ABCF2: variants seen among roughly 807,000 people sequenced by gnomAD.
ABCF2 encodes the protein ATP-binding cassette sub-family F member 2.
A neutral mutation model predicts 76.9 loss-of-function variants in ABCF2; 37 were observed. That is an observed-to-expected ratio of 0.48 (90% confidence interval 0.37 to 0.63). The LOEUF is 0.63. ABCF2 is among the 30% of genes least tolerant of loss of function. The pLI, the probability that ABCF2 is intolerant of heterozygous loss-of-function variation, is 0.00. For synonymous variants in ABCF2, 299 were observed against 283.7 expected, an observed-to-expected ratio of 1.05 and a Z score of -0.54; for missense variants, 524 against 782.1, an observed-to-expected ratio of 0.67 and a Z score of 3.94.
In ABCF2 at chr7:151,214,853, G is replaced by A. The variant is rs769271260; in HGVS notation, c.1734+26C>T. The A allele has an allele frequency of 1.7e-5, 27 of 1,611,778 alleles. No homozygotes were observed. The South Asian group carries it at 2.7e-4, about 16-fold the overall frequency. On this transcript the variant is annotated intron_variant, in intron 14 of 14. Coordinates refer to ENST00000287844, the MANE Select transcript of ABCF2 (RefSeq NM_007189.3). The surrounding 1 kb of genome is among the most constrained non-coding windows in gnomAD (Gnocchi z 4.9). ...CCCAACCCCCTAGAAGCTCTGCTGT[G>A]CCTCACCCCCTGGCCAGGGCCTCAC... is the stretch of plus-strand genomic sequence containing the variant.
rs1272296987 is a variant in ABCF2 at position 151,215,118 on chromosome 7, T to C, written c.1531-36A>G. ...CCGTGACCTACATATAACTTGGCAT[T>C]ATCCCCGCCAAACAGCACAGCTCAT... On this transcript the variant is annotated intron_variant, in intron 13 of 14. Transcript: ENST00000287844. The surrounding 1 kb of genome is among the most constrained non-coding windows in gnomAD (Gnocchi z 4.6). 6 of 1,569,094 alleles carry C rather than the reference T, an allele frequency of 3.8e-6. No individual in the cohort carries two copies. Among genetic ancestry groups the C allele is most frequent in the South Asian group, 1.1e-5 (1 of 87,248 alleles).
In ABCF2 at chr7:151,211,767, A is replaced by T. The variant is rs1802049148; in HGVS notation, c.*2287T>A. ...CCCTGAACCAAGGCTCTGGACTCTC[A>T]GGACAGACTAACCTGGGCCATTTTG... On this transcript the variant is annotated 3_prime_UTR_variant, in exon 15 of 15. Transcript: ENST00000287844. 1 of 985,370 alleles carries T rather than the reference A, an allele frequency of 1.0e-6. No individual in the cohort carries two copies. Among genetic ancestry groups the T allele is most frequent in the Non-Finnish European group, 1.2e-6 (1 of 829,918 alleles). The allele number at this position is 985,370 out of a possible 1,614,324, so 61.0% of individuals were successfully genotyped here.
chr7:151,221,263 GATCTC>G (rs1260677744), intron 7 of ABCF2, among the ~76,000 whole-genome samples: 1 of 150,394 alleles, frequency 6.6e-6, no homozygotes, highest in African/African-American at 2.4e-5. Context: ...GCAGTGGTGT[GATCTC>G]AGCTCACTGC....
At chr7:151,225,057 C>G in intron 2 of ABCF2, 69 bp from the exon 3 acceptor site, 1 of 1,403,422 alleles carries the variant, frequency 7.1e-7, no homozygotes, top group South Asian at 1.2e-5. Context: ...GGTCAACGTC[C>G]TGAAGGACCA....
At chr7:151,221,278 C>T (rs1404373792) in intron 7 of ABCF2, among the ~76,000 whole-genome samples, 3 of 151,578 alleles carry the variant, frequency 2.0e-5, no homozygotes, top group Non-Finnish European at 4.4e-5. Context: ...CAGCTCACTG[C>T]AACCTCCGCC....
At chr7:151,223,196 G>A (rs1183274960) in intron 5 of ABCF2, among the ~76,000 whole-genome samples, 1 of 152,164 alleles carries the variant, frequency 6.6e-6, no homozygotes, top group African/African-American at 2.4e-5. Flanking sequence ...CACAGAGAAT[G>A]ATGGGGCAAG....
At chr7:151,218,502 A>G (rs1802198515) in intron 10 of ABCF2, 59 bp downstream of exon 10, 4 of 1,439,594 alleles carry the variant, frequency 2.8e-6, no homozygotes, top group Non-Finnish European at 3.9e-6. Flanking sequence ...AGCAACTCCC[A>G]TGAGCTGCCA....
At chr7:151,221,093 C>T (rs956587708) in intron 7 of ABCF2, among the ~76,000 whole-genome samples, 10 of 152,212 alleles carry the variant, frequency 6.6e-5, no homozygotes, top group African/African-American at 2.4e-4. Flanking sequence ...CAATCCATGG[C>T]CTATGGCCTG....
chr7:151,226,184 A>G (rs1280403928), intron 2 of ABCF2, 121 bp downstream of exon 2: 1 of 1,185,902 alleles, frequency 8.4e-7, no homozygotes, highest in Non-Finnish European at 1.2e-6. Context: ...TTGATTCATC[A>G]TGAAAAGTTG....
Position 151,215,346 on chromosome 7 carries a change from A to T in ABCF2, c.1530+258T>A, listed in dbSNP as rs1437969978. 1.3e-5 allele frequency among the ~76,000 whole-genome samples: 2 copies of T among 152,198 alleles called. No homozygotes were observed. The highest frequency in any genetic ancestry group is 2.9e-5 in the Non-Finnish European group (2 of 68,040). On this transcript the variant is annotated intron_variant, in intron 13 of 14. Transcript: ENST00000287844. This position sits in a 1 kb window ranked among gnomAD's most constrained non-coding sequence, Gnocchi z 4.6. ...CTGAATCCAGAAATTTGTTTTCTAG[A>T]TTACAAGTTCCTTTGCCCTCAAGCA...
intron 11 of ABCF2, 37 bp from the exon 12 acceptor site, chr7:151,216,066 A>C: frequency 6.4e-7 from 1 of 1,565,546 alleles, no homozygotes; most frequent in Non-Finnish European, 8.7e-7. Flanking sequence ...GCATGAAACA[A>C]AGGAAGCCCA....
At chr7:151,224,205 C>A in intron 3 of ABCF2, 91 bp from the exon 4 acceptor site, 1 of 1,318,550 alleles carries the variant, frequency 7.6e-7, no homozygotes, top group South Asian at 1.4e-5. Flanking sequence ...ACTGGGACCT[C>A]ATCCATTTTT....
intron 7 of ABCF2, among the ~76,000 whole-genome samples, chr7:151,221,159 C>T (rs574615639): frequency 6.6e-6 from 1 of 150,930 alleles, no homozygotes; most frequent in Non-Finnish European, 1.5e-5. Flanking sequence ...TTGTCCATAT[C>T]TTTTTATAGC....
chr7:151,217,997 T>C, intron 11 of ABCF2, 84 bp downstream of exon 11: 4 of 1,020,642 alleles, frequency 3.9e-6, no homozygotes, highest in South Asian at 1.4e-5. Context: ...CCTCCCAAAG[T>C]AGTAGCCCCT....
In ABCF2 at chr7:151,224,122, G is replaced by A. The variant is rs2150576367; in HGVS notation, c.368-8C>T. 6 of 1,614,054 alleles carry A rather than the reference G, an allele frequency of 3.7e-6. No individual in the cohort carries two copies. Among genetic ancestry groups the A allele is most frequent in the South Asian group, 1.1e-5 (1 of 91,082 alleles). ...AGAGCAGCATGGACTTTCCTGAGAG[G>A]GGAGAGCAGCAGACGCTTGGTACAG... On this transcript the variant is annotated splice_region_variant and splice_polypyrimidine_tract_variant and intron_variant, in intron 3 of 14. Coordinates refer to ENST00000287844, the MANE Select transcript of ABCF2 (RefSeq NM_007189.3).
rs1802043629 is a variant in ABCF2, at chr7:151,211,505, T to G, written c.*2549A>C. ...CTGCTAATTTTAGAAATATGTATTT[T>G]GTGGACTTTTAAAGCATTATTTAAA... is the stretch of plus-strand genomic sequence containing the variant. On this transcript the variant is annotated 3_prime_UTR_variant, in exon 15 of 15. Coordinates refer to ENST00000287844, the MANE Select transcript of ABCF2 (RefSeq NM_007189.3). 1.0e-6 allele frequency: 1 copy of G among 981,486 alleles called. No homozygotes were observed. The highest frequency in any genetic ancestry group is 1.7e-5 in the African/African-American group (1 of 57,160). 60.8% of individuals were successfully genotyped at this position (981,486 alleles called of 1,614,324 possible).
At chr7:151,220,072 C>G (rs2150574521) in intron 7 of ABCF2, among the ~76,000 whole-genome samples, 1 of 151,564 alleles carries the variant, frequency 6.6e-6, no homozygotes, top group South Asian at 2.1e-4. Flanking sequence ...GGACTCCAGC[C>G]TGGGTGACAG....
chr7:151,213,540 T>C lies in ABCF2; in HGVS notation c.*514A>G. On this transcript the variant is annotated 3_prime_UTR_variant, in exon 15 of 15. Transcript: ENST00000287844. ...TCCTCTTTCTTTATTGGGCGCTTTG[T>C]AGATGTCACGCAGGTCTAAAAGTTA... 3 of 985,864 alleles carry C rather than the reference T, an allele frequency of 3.0e-6. No homozygotes were observed. Among genetic ancestry groups the C allele is most frequent in the Non-Finnish European group, 3.6e-6 (3 of 830,446 alleles). 61.1% of individuals were successfully genotyped at this position (985,864 alleles called of 1,614,324 possible).
rs1250771861 is a variant in ABCF2 at position 151,224,068 on chromosome 7, G to A, written c.414C>T (p.Ile138=). ...GATGGTAGATGTCGATGTGCTCAGG[G>A]ATGGGCACTTCACGCTTCCCAATAG... The part of the protein sequence containing the change: ...LSAIGKREVP[I]PEHIDIYHLT... The change falls in exon 4 of 15, where the codon ATC becomes ATT. Residue 138 remains isoleucine, a synonymous_variant. Transcript: ENST00000287844. 1 of 1,614,180 alleles carries A rather than the reference G, an allele frequency of 6.2e-7. No homozygotes were observed. The highest frequency in any genetic ancestry group is 1.7e-5 in the Admixed American group (1 of 60,016).
Sources: gnomAD v4.1 joint callset for allele counts (sites outside exome capture counted in the v4.1 genomes callset) on GRCh38, gnomAD v4.1.1 for gene constraint, Gnocchi (gnomAD v3.1) non-coding constraint, MANE v1.5 for transcripts, NCBI Gene and HGNC (gene_info 2026-07-23, HGNC 2026-07-21) for gene names.